ZNF503: variants seen among roughly 807,000 people sequenced by gnomAD.
ZNF503 encodes zinc finger protein 503.
Under a neutral mutation model 34.4 loss-of-function variants are expected in ZNF503, and 15 were observed. The observed-to-expected ratio is 0.44, with a 90% CI of 0.29 to 0.67. The LOEUF (loss-of-function observed/expected upper bound fraction) is 0.67, where lower values mean the gene tolerates loss of function less well. Ranked by LOEUF, ZNF503 falls within the 30% of genes least tolerant of loss-of-function variation. The probability of loss-of-function intolerance (pLI) is 0.13; values close to 1 mark genes in which losing one functional copy is unlikely to be tolerated. For synonymous variants in ZNF503, 580 were observed against 456.8 expected, an observed-to-expected ratio of 1.27 and a Z score of -3.44; for missense variants, 1,007 against 926.8, an observed-to-expected ratio of 1.09 and a Z score of -1.12.
chr10:75,396,776 C>G (rs1036392257), downstream of ZNF503, among the ~76,000 whole-genome samples: 12 of 152,242 alleles, frequency 7.9e-5, no homozygotes, highest in African/African-American at 2.9e-4. This position sits in a 1 kb window ranked among gnomAD's most constrained non-coding sequence, Gnocchi z 4.4. Flanking sequence ...CCCAACTAGC[C>G]GGAGGACCTG....
At chr10:75,390,698 G>A in the ZNF503 span, among the ~76,000 whole-genome samples, 32 of 152,190 alleles carry the variant, frequency 2.1e-4, no homozygotes, top group Non-Finnish European at 2.5e-4. Flanking sequence ...CTCTGGTTCT[G>A]GGTGACACCA....
the ZNF503 span, among the ~76,000 whole-genome samples, chr10:75,377,173 A>G: frequency 6.6e-6 from 1 of 152,154 alleles, no homozygotes; most frequent in Non-Finnish European, 1.5e-5. Context: ...AAAGTTTGGG[A>G]ACCACTGCCC....
chr10:75,354,856 G>GT, the ZNF503 span, among the ~76,000 whole-genome samples: 2 of 151,718 alleles, frequency 1.3e-5, no homozygotes, highest in African/African-American at 4.8e-5. Flanking sequence ...GTTTTGTTTT[G>GT]TTTTTTTGAG....
the ZNF503 span, among the ~76,000 whole-genome samples, chr10:75,328,603 G>A: frequency 3.3e-5 from 5 of 151,574 alleles, no homozygotes; most frequent in Admixed American, 6.6e-5. Flanking sequence ...TTCCATACAA[G>A]TTTTAGGATT....
At chr10:75,381,805 C>CTTTTT in the ZNF503 span, among the ~76,000 whole-genome samples, 55 of 38,652 alleles carry the variant, frequency 1.4e-3, 9 homozygotes, top group Admixed American at 2.0e-3. Context: ...GAACCTAATT[C>CTTTTT]TTTTTTTTTT....
intron 1 of ZNF503, among the ~76,000 whole-genome samples, chr10:75,400,739 C>T (rs1328139181): frequency 6.6e-6 from 1 of 152,202 alleles, no homozygotes; most frequent in East Asian, 1.9e-4. Context: ...GCTCGGGCGG[C>T]TGGCGCCTCA....
chr10:75,396,809 G>A (rs564891592), downstream of ZNF503, among the ~76,000 whole-genome samples: 120 of 152,278 alleles, frequency 7.9e-4, no homozygotes, highest in African/African-American at 2.7e-3. This position sits in a 1 kb window ranked among gnomAD's most constrained non-coding sequence, Gnocchi z 4.4. Context: ...GGCCTGGAGC[G>A]TCTGGGAGGG....
Position 75,401,285 on chromosome 10 carries a change from T to G in ZNF503, c.135A>C (p.Pro45=), listed in dbSNP as rs1397099430. ...ALSGNSSGPG[P]GSSPAGSTKP... is the part of the protein sequence containing the mutation. ...TGGTGCTGCCGGCCGGGGACGAGCCTGGGCCGGGGCCGGAGCTATTTCCAG... is the reference window on the plus strand; with the variant it reads ...TGGTGCTGCCGGCCGGGGACGAGCCGGGGCCGGGGCCGGAGCTATTTCCAG... Residue 45 remains proline, a synonymous_variant, in exon 1 of 2, where the codon CCA becomes CCC. Coordinates refer to ENST00000372524, the MANE Select transcript of ZNF503 (RefSeq NM_032772.6). 1 of 1,577,646 alleles carries G rather than the reference T, an allele frequency of 6.3e-7. No individual in the cohort carries two copies. The highest frequency in any genetic ancestry group is 8.6e-7 in the Non-Finnish European group (1 of 1,163,964).
the ZNF503 span, among the ~76,000 whole-genome samples, chr10:75,337,595 G>A: frequency 9.3e-3 from 1,406 of 150,740 alleles, 29 homozygotes; most frequent in African/African-American, 0.033. Context: ...TCCAGCCTGG[G>A]TGAAAGAGCT....
chr10:75,331,778 C>A, the ZNF503 span, among the ~76,000 whole-genome samples: 1 of 152,228 alleles, frequency 6.6e-6, no homozygotes, highest in Non-Finnish European at 1.5e-5. Flanking sequence ...ATTATAGGCA[C>A]AAGCCTTGAT....
downstream of ZNF503, among the ~76,000 whole-genome samples, chr10:75,396,787 G>C (rs1007717064): frequency 2.0e-5 from 3 of 152,128 alleles, no homozygotes; most frequent in African/African-American, 7.2e-5. The surrounding 1 kb of genome is among the most constrained non-coding windows in gnomAD (Gnocchi z 4.4). Flanking sequence ...GGAGGACCTG[G>C]GCTAGCGCCC....
the ZNF503 span, among the ~76,000 whole-genome samples, chr10:75,313,118 C>A: frequency 1.3e-5 from 2 of 152,242 alleles, no homozygotes; most frequent in East Asian, 3.9e-4. Context: ...TCGGGTATGT[C>A]TTTATTCGCA....
the ZNF503 span, among the ~76,000 whole-genome samples, chr10:75,348,759 G>A: frequency 1.4e-5 from 2 of 147,678 alleles, no homozygotes; most frequent in Admixed American, 6.7e-5. Flanking sequence ...TGATCCGCCC[G>A]CCTCAGCCTC....
chr10:75,390,732 C>A, the ZNF503 span, among the ~76,000 whole-genome samples: 1 of 152,130 alleles, frequency 6.6e-6, no homozygotes, highest in Admixed American at 6.6e-5. Context: ...GGGGAGTCTG[C>A]CAATATTCTA....
chr10:75,378,028 C>T, the ZNF503 span, among the ~76,000 whole-genome samples: 2 of 152,042 alleles, frequency 1.3e-5, no homozygotes, highest in Non-Finnish European at 2.9e-5. Context: ...TTTTAAACAA[C>T]TGTCTCATGA....
At chr10:75,395,208 C>A (rs916118840), downstream of ZNF503, among the ~76,000 whole-genome samples, 1 of 152,188 alleles carries the variant, frequency 6.6e-6, no homozygotes, top group Non-Finnish European at 1.5e-5. This position sits in a 1 kb window ranked among gnomAD's most constrained non-coding sequence, Gnocchi z 4.4. Context: ...GTGGGAGCTC[C>A]CCAGGTTGGG....
chr10:75,377,431 T>C, the ZNF503 span, among the ~76,000 whole-genome samples: 17 of 152,332 alleles, frequency 1.1e-4, no homozygotes, highest in African/African-American at 3.1e-4. Context: ...GCTGCAATTT[T>C]ATAAAACACA....
rs1382950435 is a variant in ZNF503 at position 75,398,568 on chromosome 10, T to C, written c.*181A>G. 1 of 442,774 alleles carries C rather than the reference T, an allele frequency of 2.3e-6. No homozygotes were observed. The highest frequency in any genetic ancestry group is 3.5e-5 in the East Asian group (1 of 28,194). The allele number at this position is 442,774 out of a possible 1,614,324, so 27.4% of individuals were successfully genotyped here. A position where few individuals can be genotyped will look rare whatever the true frequency, so the allele number is the denominator to read the frequency against. On this transcript the variant is annotated 3_prime_UTR_variant, in exon 2 of 2. Coordinates refer to ENST00000372524, the MANE Select transcript of ZNF503 (RefSeq NM_032772.6). ...GAGGTGAAAGTGGGGAGAAGGGGAG[T>C]GTCCCACCGGGTCTCGGTCGCTGCT...
chr10:75,401,337 GCACCGCCGCCTCCGCCTC>G lies in ZNF503; in HGVS notation c.65_82del (p.Gly22_Gly27del). The G allele has an allele frequency of 7.0e-7, 1 of 1,435,754 alleles. No homozygotes were observed. Among genetic ancestry groups the G allele is most frequent in the Middle Eastern group, 1.9e-4 (1 of 5,250 alleles). 88.9% of individuals were successfully genotyped at this position (1,435,754 alleles called of 1,614,324 possible). A position where few individuals can be genotyped will look rare whatever the true frequency, so the allele number is the denominator to read the frequency against. On this transcript the variant is annotated inframe_deletion, in exon 1 of 2. Transcript: ENST00000372524. ...GAGCGCGCTGGTCCAGGCAGGGTCT[GCACCGCCGCCTCCGCCTC>G]CGCCGCCGCCGCCGCCGCTGTGCTT...
Sources: allele counts gnomAD v4.1 joint callset (sites outside exome capture counted in the v4.1 genomes callset), GRCh38; gene constraint gnomAD v4.1.1; non-coding constraint Gnocchi (gnomAD v3.1); transcripts MANE v1.5; gene names NCBI Gene and HGNC (gene_info 2026-07-23, HGNC 2026-07-21).